Variants in CAMK2D observed in about 807,000 individuals in gnomAD.
The protein encoded by CAMK2D is calcium/calmodulin-dependent protein kinase type II subunit delta.
A neutral mutation model predicts 84.0 loss-of-function variants in CAMK2D; 37 were observed. The ratio of observed to expected loss-of-function variants is 0.44; its 90% CI spans 0.34 to 0.58. The LOEUF (loss-of-function observed/expected upper bound fraction) is 0.58, where lower values mean the gene tolerates loss of function less well. CAMK2D is among the 20% of genes least tolerant of loss of function. The probability of loss-of-function intolerance (pLI) is 0.02; values close to 1 mark genes in which losing one functional copy is unlikely to be tolerated. For missense variants in CAMK2D, 448 were observed against 652.5 expected (o/e 0.69, Z 3.41); for synonymous variants, 202 against 212.5 (o/e 0.95, Z 0.43).
chr4:113,532,005 G>A (rs2098461732), intron 7 of CAMK2D, among the ~76,000 whole-genome samples: 1 of 151,956 alleles, frequency 6.6e-6, no homozygotes, highest in African/African-American at 2.4e-5. Flanking sequence ...ATCCTCATTT[G>A]GAAGTTTTCT....
chr4:113,704,160 T>A (rs751808311), intron 2 of CAMK2D, among the ~76,000 whole-genome samples: 1 of 152,036 alleles, frequency 6.6e-6, no homozygotes, highest in Admixed American at 6.6e-5. Context: ...CAAGTGAAAT[T>A]TAAGTATTTT....
At chr4:113,461,374 TAA>T (rs756954965) in intron 17 of CAMK2D, among the ~76,000 whole-genome samples, 19 of 152,164 alleles carry the variant, frequency 1.2e-4, no homozygotes, top group Non-Finnish European at 2.1e-4. Flanking sequence ...AGGAAAGGTT[TAA>T]GAGAGGAAGA....
intron 16 of CAMK2D, 73 bp from the exon 17 acceptor site, chr4:113,465,677 A>G (rs975234691): frequency 3.3e-5 from 31 of 937,430 alleles, no homozygotes; most frequent in Non-Finnish European, 4.7e-5. Context: ...TTCATTTTTA[A>G]TTTTTGAGAT....
chr4:113,644,464 T>C (rs1432616904), intron 3 of CAMK2D, among the ~76,000 whole-genome samples: 2 of 152,148 alleles, frequency 1.3e-5, no homozygotes, highest in East Asian at 1.9e-4. Context: ...CTAAAATTCA[T>C]AGGTTACCTA....
chr4:113,758,002 C>A (rs1037323621), intron 2 of CAMK2D, among the ~76,000 whole-genome samples: 10 of 152,124 alleles, frequency 6.6e-5, no homozygotes, highest in Non-Finnish European at 1.3e-4. Flanking sequence ...GATACCCCCA[C>A]CACAGCCAAA....
chr4:113,457,426 G>T lies in CAMK2D; in HGVS notation c.1444C>A (p.Gln482Lys). 1 of 1,613,868 alleles carries T rather than the reference G, an allele frequency of 6.2e-7. No individual in the cohort carries two copies. The change falls in exon 19 of 21, where the codon CAG becomes AAG. Residue 482 changes from glutamine to lysine, a missense_variant. Coordinates refer to ENST00000511664, the MANE Select transcript of CAMK2D (RefSeq NM_001321571.2). Reference sequence around the variant, plus strand: ...TGCCACACACGAGTCTCTTCTGACTGCATTGTCTTTGGCATTCCACTGCCA... The same window carrying T: ...TGCCACACACGAGTCTCTTCTGACTTCATTGTCTTTGGCATTCCACTGCCA... ...MDGSGMPKTM[Q>K]SEETRVWHRR...
chr4:113,754,681 C>CT (rs201377983), intron 2 of CAMK2D: 11,819 of 772,004 alleles, frequency 0.015, 19 homozygotes, highest in African/African-American at 0.028. Context: ...TGTGGATATA[C>CT]TTTTTTTTTT....
intron 2 of CAMK2D, among the ~76,000 whole-genome samples, chr4:113,727,215 T>C (rs1316078943): frequency 6.6e-6 from 1 of 152,144 alleles, no homozygotes; most frequent in Non-Finnish European, 1.5e-5. Context: ...GGTTATTTTT[T>C]AAAGAAATTG....
chr4:113,658,654 G>A (rs914720851), intron 3 of CAMK2D, among the ~76,000 whole-genome samples: 9 of 152,144 alleles, frequency 5.9e-5, no homozygotes, highest in African/African-American at 2.2e-4. Flanking sequence ...AGCTCCATGA[G>A]GGCAGGGATA....
intron 3 of CAMK2D, among the ~76,000 whole-genome samples, chr4:113,617,628 T>C (rs1373978118): frequency 1.3e-5 from 2 of 149,392 alleles, no homozygotes; most frequent in Non-Finnish European, 3.0e-5. Flanking sequence ...CCCTTGCTGA[T>C]GAAGAGTTGT....
At chr4:113,660,650 C>G (rs925647409) in intron 3 of CAMK2D, among the ~76,000 whole-genome samples, 2 of 152,128 alleles carry the variant, frequency 1.3e-5, no homozygotes, top group African/African-American at 4.8e-5. Context: ...CTCACCCCTC[C>G]AAAGTGCTGG....
chr4:113,758,606 G>A (rs143621628), intron 2 of CAMK2D, among the ~76,000 whole-genome samples: 1,540 of 152,222 alleles, frequency 0.01, 22 homozygotes, highest in African/African-American at 0.033. Flanking sequence ...ACATTTCAGC[G>A]TAAGTACTTT....
chr4:113,501,069 A>C (rs1446284549), intron 15 of CAMK2D, among the ~76,000 whole-genome samples: 1 of 152,096 alleles, frequency 6.6e-6, no homozygotes, highest in African/African-American at 2.4e-5. Context: ...AGTACTTTTG[A>C]GAAGAATTTT....
chr4:113,613,746 T>A (rs2099010280), intron 3 of CAMK2D, among the ~76,000 whole-genome samples: 1 of 152,160 alleles, frequency 6.6e-6, no homozygotes, highest in Admixed American at 6.6e-5. Flanking sequence ...CCAAAAATGC[T>A]AGCAAGTTGA....
chr4:113,656,010 G>A (rs544597125), intron 3 of CAMK2D, among the ~76,000 whole-genome samples: 6 of 152,128 alleles, frequency 3.9e-5, no homozygotes, highest in African/African-American at 1.2e-4. Context: ...TACCTGAAAG[G>A]TATTTTTCTT....
At chr4:113,502,648 A>G (rs916271805) in intron 15 of CAMK2D, among the ~76,000 whole-genome samples, 6 of 152,148 alleles carry the variant, frequency 3.9e-5, no homozygotes, top group African/African-American at 1.4e-4. Flanking sequence ...AAAAATGACC[A>G]GATGGAATTG....
chr4:113,650,947 G>T (rs1036439081), intron 3 of CAMK2D, among the ~76,000 whole-genome samples: 8 of 152,092 alleles, frequency 5.3e-5, no homozygotes, highest in Non-Finnish European at 1.2e-4. Flanking sequence ...TGAACAACTT[G>T]GTATGCTACA....
chr4:113,660,793 C>CT (rs551244067), intron 3 of CAMK2D, among the ~76,000 whole-genome samples: 9,367 of 129,480 alleles, frequency 0.072, 471 homozygotes, highest in Non-Finnish European at 0.11. Context: ...CTGAACAATT[C>CT]TTTTTTTTTT....
At position 113,502,960 on chromosome 4, in the gene CAMK2D, T is replaced by C. The variant is rs754843425; in HGVS notation, c.1062A>G (p.Val354=). 3 of 1,608,892 alleles carry C rather than the reference T, an allele frequency of 1.9e-6. No individual in the cohort carries two copies. The highest frequency in any genetic ancestry group is 3.3e-5 in the Admixed American group (2 of 59,994). ...CCTTGTTTCCATCAGGGTTGTGGATTACAGTAGTTTGGGGCTCCTGAGTGA... is the reference window on the plus strand; with the variant it reads ...CCTTGTTTCCATCAGGGTTGTGGATCACAGTAGTTTGGGGCTCCTGAGTGA... ...PTPALEPQTT[V]IHNPDGNKES... Residue 354 remains valine, a synonymous_variant, in exon 15 of 21, where the codon GTA becomes GTG. Transcript: ENST00000511664.
Sources: allele counts gnomAD v4.1 joint callset (sites outside exome capture counted in the v4.1 genomes callset), GRCh38; gene constraint gnomAD v4.1.1; transcripts MANE v1.5; gene names NCBI Gene and HGNC (gene_info 2026-07-23, HGNC 2026-07-21).